NTM: variants seen among roughly 807,000 people sequenced by gnomAD.
The protein encoded by NTM is neurotrimin.
NTM carries 13 observed loss-of-function variants against 42.1 expected under a neutral mutation model. The observed-to-expected ratio is 0.31, with a 90% CI of 0.20 to 0.49. The LOEUF is 0.49. NTM is among the 20% of genes least tolerant of loss of function. NTM has a pLI of 0.99. For synonymous variants in NTM, 187 were observed against 179.2 expected (o/e 1.04, Z -0.35); for missense variants, 373 against 452.8 (o/e 0.82, Z 1.60).
At chr11:132,069,591 G>T (rs550904280) in intron 2 of NTM, among the ~76,000 whole-genome samples, 2 of 150,466 alleles carry the variant, frequency 1.3e-5, no homozygotes, top group Non-Finnish European at 2.9e-5. Context: ...TAGTTAACAC[G>T]TCACACAGAC....
chr11:131,412,805 C>CATGT (rs1555104999), intron 1 of NTM, among the ~76,000 whole-genome samples: 1 of 151,152 alleles, frequency 6.6e-6, no homozygotes, highest in South Asian at 2.1e-4. Flanking sequence ...TCTTACGGGG[C>CATGT]GTGTGTGTGT....
intron 2 of NTM, among the ~76,000 whole-genome samples, chr11:132,134,124 T>G (rs1041593706): frequency 6.6e-6 from 1 of 152,170 alleles, no homozygotes; most frequent in Non-Finnish European, 1.5e-5. Context: ...GGTCTCACCA[T>G]GTTGCCCTGG....
At chr11:131,452,232 A>G (rs1950541331) in intron 1 of NTM, among the ~76,000 whole-genome samples, 1 of 152,228 alleles carries the variant, frequency 6.6e-6, no homozygotes, top group South Asian at 2.1e-4. Flanking sequence ...CTGGACTCCC[A>G]AACTGCTGTG....
chr11:132,292,803 A>AC (rs2094493846), intron 4 of NTM, among the ~76,000 whole-genome samples: 1 of 151,060 alleles, frequency 6.6e-6, no homozygotes, highest in African/African-American at 2.4e-5. Context: ...AAAAAAAAAA[A>AC]AAAAAAAAAA....
intron 1 of NTM, among the ~76,000 whole-genome samples, chr11:131,494,862 G>C (rs1412085259): frequency 6.6e-6 from 1 of 152,122 alleles, no homozygotes; most frequent in East Asian, 1.9e-4. Context: ...CCAGAAGGTG[G>C]GTGGAGGCAG....
At chr11:131,642,087 A>G (rs1007091287) in intron 1 of NTM, among the ~76,000 whole-genome samples, 4 of 152,310 alleles carry the variant, frequency 2.6e-5, no homozygotes, top group Admixed American at 1.3e-4. Context: ...GAGGAGAACA[A>G]AAGGAGATAC....
At chr11:132,313,326 G>T (rs1302922468) in intron 6 of NTM, among the ~76,000 whole-genome samples, 1 of 150,668 alleles carries the variant, frequency 6.6e-6, no homozygotes, top group African/African-American at 2.5e-5. Context: ...GCATCCATTT[G>T]CCCCAAAGCA....
chr11:132,305,770 T>TCAAA (rs2095055413), intron 4 of NTM, among the ~76,000 whole-genome samples: 3 of 152,224 alleles, frequency 2.0e-5, no homozygotes, highest in Non-Finnish European at 4.4e-5. Context: ...AAGATGCTTA[T>TCAAA]CAAACAATAT....
At chr11:131,769,434 A>G (rs1166080980) in intron 1 of NTM, 1 of 178,776 alleles carries the variant, frequency 5.6e-6, no homozygotes, top group Non-Finnish European at 1.1e-5. Flanking sequence ...GTGGATGCAA[A>G]CAGGGAGGAA....
chr11:131,499,435 C>G (rs922764424), intron 1 of NTM, among the ~76,000 whole-genome samples: 2 of 152,150 alleles, frequency 1.3e-5, no homozygotes, highest in African/African-American at 4.8e-5. Flanking sequence ...GTCCCCAGCC[C>G]GGTCTGAGCC....
intron 1 of NTM, among the ~76,000 whole-genome samples, chr11:131,636,852 A>G (rs1277428435): frequency 1.3e-5 from 2 of 152,210 alleles, no homozygotes; most frequent in South Asian, 2.1e-4. Flanking sequence ...GGCACTAACC[A>G]TGTTAGCTTT....
At chr11:131,581,266 T>C (rs1323757738) in intron 1 of NTM, among the ~76,000 whole-genome samples, 1 of 152,176 alleles carries the variant, frequency 6.6e-6, no homozygotes, top group Non-Finnish European at 1.5e-5. Flanking sequence ...TTCCTCTTGC[T>C]CTCCAAATGT....
intron 1 of NTM, among the ~76,000 whole-genome samples, chr11:131,822,552 A>G (rs1282303550): frequency 6.6e-6 from 1 of 152,212 alleles, no homozygotes. Flanking sequence ...TCCTTTGTAA[A>G]ACAAATACCA....
chr11:132,142,749 A>G (rs989886311), intron 2 of NTM, among the ~76,000 whole-genome samples: 4 of 152,136 alleles, frequency 2.6e-5, no homozygotes, highest in Admixed American at 6.5e-5. Flanking sequence ...AACTCCTCAG[A>G]GTAGTACATC....
rs548287738 is a variant in NTM, at chr11:132,222,004, G to A, written c.526+9857G>A. 3.9e-5 allele frequency among the ~76,000 whole-genome samples: 6 copies of A among 152,256 alleles called. No individual in the cohort carries two copies. The East Asian group carries it at 5.8e-4, about 15-fold the overall frequency. ...TCCCACCTACCAGCTTGGGGCACCC[G>A]GTCTTTGGGTTATGCACATTCTCAC... On this transcript the variant is annotated intron_variant, in intron 4 of 8. Transcript: ENST00000683400.
chr11:132,334,609 A>C (rs2095854266), intron 8 of NTM, among the ~76,000 whole-genome samples: 1 of 152,184 alleles, frequency 6.6e-6, no homozygotes, highest in African/African-American at 2.4e-5. Flanking sequence ...GCCACAGGCC[A>C]AGCAGCTGGA....
At chr11:132,135,056 C>T (rs1402146538) in intron 2 of NTM, among the ~76,000 whole-genome samples, 1 of 152,126 alleles carries the variant, frequency 6.6e-6, no homozygotes, top group Non-Finnish European at 1.5e-5. Context: ...TCCTCCTCCC[C>T]TCCCCACAGA....
At chr11:131,905,511 G>C (rs2053745413) in intron 1 of NTM, among the ~76,000 whole-genome samples, 1 of 151,994 alleles carries the variant, frequency 6.6e-6, no homozygotes, top group South Asian at 2.1e-4. Flanking sequence ...CGAGATTCCT[G>C]CCCATGCTTG....
intron 1 of NTM, among the ~76,000 whole-genome samples, chr11:131,452,915 A>G (rs1390572474): frequency 6.6e-6 from 1 of 152,054 alleles, no homozygotes; most frequent in East Asian, 1.9e-4. Context: ...GGCCATCTTC[A>G]TGGCTTGGCA....
Sources: allele counts gnomAD v4.1 joint callset (sites outside exome capture counted in the v4.1 genomes callset), GRCh38; gene constraint gnomAD v4.1.1; transcripts MANE v1.5; gene names NCBI Gene and HGNC (gene_info 2026-07-23, HGNC 2026-07-21).